FAT3: variants seen among roughly 807,000 people sequenced by gnomAD.
FAT3 encodes the protein protocadherin Fat 3.
A neutral mutation model predicts 310.2 loss-of-function variants in FAT3; 95 were observed. That is an observed-to-expected ratio of 0.31 (90% CI 0.26 to 0.36). The LOEUF (loss-of-function observed/expected upper bound fraction) is 0.36, where lower values mean the gene tolerates loss of function less well. Among genes scored for constraint, FAT3 ranks in the 10% least tolerant of loss-of-function variants. The probability of loss-of-function intolerance (pLI) is 1.00; values close to 1 mark genes in which losing one functional copy is unlikely to be tolerated. For missense variants in FAT3, 5,408 were observed against 5,715.6 expected (o/e 0.95, Z 1.74); for synonymous variants, 2,314 against 2,192.9 (o/e 1.06, Z -1.54).
chr11:92,278,130 G>A (rs1425441493), intron 1 of FAT3, among the ~76,000 whole-genome samples: 1 of 152,114 alleles, frequency 6.6e-6, no homozygotes, highest in African/African-American at 2.4e-5. Context: ...GAGGGGAGGA[G>A]GAGTGGCTGG....
rs376615292 is a variant in FAT3, at chr11:92,524,834, G to A, written c.3493G>A (p.Val1165Ile). 21 of 1,613,800 alleles carry A rather than the reference G, an allele frequency of 1.3e-5. No individual in the cohort carries two copies. The Admixed American group carries it at 1.5e-4, about 12-fold the overall frequency. Residue 1165 changes from valine (V) to isoleucine (I), a missense_variant, in exon 3 of 28, where the codon GTA becomes ATA. Val to Ile is a conservative substitution (Grantham distance 29, BLOSUM62 3). Coordinates refer to ENST00000525166, the MANE Select transcript of FAT3 (RefSeq NM_001367949.2). ...TGTCATGGAAAACTCTCCAAAGGAC[G>A]TATCTGTCATTCAGATCCAGGCTGA... is the stretch of plus-strand genomic sequence containing the variant. ...PVVMENSPKD[V>I]SVIQIQAEDP... is the part of the protein sequence containing the mutation.
At chr11:92,273,230 T>G (rs560031630) in intron 1 of FAT3, among the ~76,000 whole-genome samples, 2 of 152,268 alleles carry the variant, frequency 1.3e-5, no homozygotes, top group Non-Finnish European at 2.9e-5. Flanking sequence ...ATGCCAAATC[T>G]GTTTCTGGGG....
chr11:92,663,323 G>C (rs1235897976), intron 3 of FAT3, among the ~76,000 whole-genome samples: 1 of 152,082 alleles, frequency 6.6e-6, no homozygotes. Flanking sequence ...TTGAGACTAG[G>C]TCACAGTGTG....
intron 8 of FAT3, among the ~76,000 whole-genome samples, chr11:92,792,014 C>T (rs1947053003): frequency 6.6e-6 from 1 of 152,178 alleles, no homozygotes; most frequent in Non-Finnish European, 1.5e-5. Context: ...TCAGGGTTCT[C>T]TCAGCTCTAG....
chr11:92,753,499 C>A (rs955443320), intron 4 of FAT3, among the ~76,000 whole-genome samples: 1 of 152,126 alleles, frequency 6.6e-6, no homozygotes, highest in Non-Finnish European at 1.5e-5. Flanking sequence ...ATAGGAAGCT[C>A]CAAGCACTCT....
chr11:92,240,923 G>T (rs1322007646), intron 1 of FAT3, among the ~76,000 whole-genome samples: 2 of 151,912 alleles, frequency 1.3e-5, no homozygotes, highest in Non-Finnish European at 2.9e-5. Flanking sequence ...CATCCTTGTA[G>T]AATCCCCCCC....
chr11:92,470,004 C>G (rs1050762531), intron 2 of FAT3, among the ~76,000 whole-genome samples: 1 of 152,152 alleles, frequency 6.6e-6, no homozygotes, highest in Admixed American at 6.5e-5. Context: ...AGAAGGAACA[C>G]TATATTCCCA....
intron 3 of FAT3, among the ~76,000 whole-genome samples, chr11:92,568,064 C>G (rs1482228132): frequency 6.6e-6 from 1 of 151,900 alleles, no homozygotes; most frequent in Non-Finnish European, 1.5e-5. Context: ...AAAATTCATG[C>G]CATTCAGTCA....
At chr11:92,452,079 A>C (rs1951369123) in intron 2 of FAT3, among the ~76,000 whole-genome samples, 1 of 152,214 alleles carries the variant, frequency 6.6e-6, no homozygotes, top group Admixed American at 6.5e-5. Context: ...ATTAGGAAAC[A>C]GTTCTGTCTG....
At chr11:92,705,424 GTGGTGGTGGTGA>G (rs1944256050) in intron 4 of FAT3, among the ~76,000 whole-genome samples, 1 of 84,478 alleles carries the variant, frequency 1.2e-5, no homozygotes, top group African/African-American at 4.4e-5. Flanking sequence ...GGTGGTAGTG[GTGGTGGTGGTGA>G]TGGTGGTGGT....
At chr11:92,235,795 T>G (rs1187882809) in intron 1 of FAT3, among the ~76,000 whole-genome samples, 1 of 152,238 alleles carries the variant, frequency 6.6e-6, no homozygotes, top group Non-Finnish European at 1.5e-5. Flanking sequence ...GCTCTGGATC[T>G]TTCCTGTATG....
intron 1 of FAT3, among the ~76,000 whole-genome samples, chr11:92,301,221 G>A (rs1293425220): frequency 6.6e-6 from 1 of 152,132 alleles, no homozygotes; most frequent in African/African-American, 2.4e-5. Context: ...AGCCCAGTTG[G>A]TTTTTCTCTT....
intron 15 of FAT3, among the ~76,000 whole-genome samples, chr11:92,835,824 A>G (rs1002100363): frequency 1.3e-5 from 2 of 152,020 alleles, no homozygotes; most frequent in African/African-American, 4.8e-5. Flanking sequence ...TCCAGGGGGA[A>G]CTCTGTCTAA....
At chr11:92,695,255 A>G (rs1023334928) in intron 3 of FAT3, among the ~76,000 whole-genome samples, 4 of 152,224 alleles carry the variant, frequency 2.6e-5, no homozygotes, top group Admixed American at 1.3e-4. Context: ...TCTTAGAATC[A>G]GAGGACCGTC....
chr11:92,495,155 C>T (rs1360010334), intron 2 of FAT3, among the ~76,000 whole-genome samples: 1 of 151,866 alleles, frequency 6.6e-6, no homozygotes, highest in South Asian at 2.1e-4. Context: ...GCAAATTATA[C>T]ATTTCAAAGA....
chr11:92,626,713 G>C (rs1255916161), intron 3 of FAT3, among the ~76,000 whole-genome samples: 2 of 152,142 alleles, frequency 1.3e-5, no homozygotes, highest in Non-Finnish European at 2.9e-5. Context: ...GAGAGGTTTA[G>C]ATTTTCTCCC....
intron 3 of FAT3, among the ~76,000 whole-genome samples, chr11:92,663,057 G>C (rs1355682282): frequency 6.6e-6 from 1 of 152,184 alleles, no homozygotes; most frequent in African/African-American, 2.4e-5. Flanking sequence ...TGCACCAGGG[G>C]TGGGAAGCAC....
chr11:92,814,147 A>G (rs1237086593), intron 13 of FAT3, among the ~76,000 whole-genome samples: 3 of 152,198 alleles, frequency 2.0e-5, no homozygotes, highest in Non-Finnish European at 2.9e-5. Context: ...TGAGCAATAA[A>G]TTTCTGTTGT....
intron 2 of FAT3, among the ~76,000 whole-genome samples, chr11:92,377,008 A>T (rs1258587779): frequency 6.6e-6 from 1 of 152,212 alleles, no homozygotes; most frequent in Non-Finnish European, 1.5e-5. Context: ...TTCAATAGAC[A>T]TTAAAAAGAT....
Sources: allele counts gnomAD v4.1 joint callset (sites outside exome capture counted in the v4.1 genomes callset), GRCh38; gene constraint gnomAD v4.1.1; transcripts MANE v1.5; gene names NCBI Gene and HGNC (gene_info 2026-07-23, HGNC 2026-07-21).